Variants in GOLT1A observed in about 807,000 individuals in gnomAD.
The protein encoded by GOLT1A is vesicle transport protein GOT1A.
In GOLT1A, 10 loss-of-function variants were observed where a neutral mutation model predicts 16.1. That is an observed-to-expected ratio of 0.62 (90% CI 0.38 to 1.05). The LOEUF (loss-of-function observed/expected upper bound fraction) is 1.05, where lower values mean the gene tolerates loss of function less well. Ranked by LOEUF, GOLT1A falls within the 50% of genes least tolerant of loss-of-function variation. GOLT1A has a pLI of 0.01. For synonymous variants in GOLT1A, 60 were observed against 67.9 expected, an observed-to-expected ratio of 0.88 and a Z score of 0.57; for missense variants, 137 against 165.7, an observed-to-expected ratio of 0.83 and a Z score of 0.95.
chr1:204,211,045 A>G (rs977063837), intron 1 of GOLT1A, among the ~76,000 whole-genome samples: 4 of 150,348 alleles, frequency 2.7e-5, no homozygotes, highest in African/African-American at 9.8e-5. Flanking sequence ...TCCAAGATAC[A>G]TGTTGAAAGC....
chr1:204,198,803 CT>C, intron 4 of GOLT1A: 1 of 492,246 alleles, frequency 2.0e-6, no homozygotes, highest in Non-Finnish European at 3.6e-6. Flanking sequence ...ACAGCTTTTC[CT>C]GCTGTCATCA....
chr1:204,200,299 G>GTATACATATATATATATATATATATATA (rs1553233959), intron 3 of GOLT1A, among the ~76,000 whole-genome samples: 14 of 82,672 alleles, frequency 1.7e-4, no homozygotes, highest in Admixed American at 4.9e-4. Flanking sequence ...ACATATATGT[G>GTATACATATATATATATATATATATATA]TATATATATA....
At chr1:204,200,405 C>T (rs926869327) in intron 3 of GOLT1A, among the ~76,000 whole-genome samples, 3 of 148,754 alleles carry the variant, frequency 2.0e-5, no homozygotes, top group Admixed American at 6.7e-5. Flanking sequence ...CTCACTGCAA[C>T]CTTCGCCCCC....
Position 204,198,227 on chromosome 1 carries a change from T to C in GOLT1A, c.*231A>G. 1 of 540,282 alleles carries C rather than the reference T, an allele frequency of 1.9e-6. No homozygotes were observed. The highest frequency in any genetic ancestry group is 3.3e-6 in the Non-Finnish European group (1 of 306,684). 33.5% of individuals were successfully genotyped at this position (540,282 alleles called of 1,614,324 possible). On this transcript the variant is annotated 3_prime_UTR_variant, in exon 5 of 5. Transcript: ENST00000308302. ...CCATAAATATAGAGTGAGGGTGTGA[T>C]ACCAGCCCCAGCCCAGTCTCCTTGG...
At chr1:204,207,675 C>T (rs913284911) in intron 1 of GOLT1A, among the ~76,000 whole-genome samples, 12 of 152,200 alleles carry the variant, frequency 7.9e-5, no homozygotes, top group East Asian at 7.7e-4. Context: ...CTCAGAACAT[C>T]ATCGTCTTTT....
chr1:204,200,299 G>GTATATACATATATATATATATATATA (rs1658933060), intron 3 of GOLT1A, among the ~76,000 whole-genome samples: 2 of 82,684 alleles, frequency 2.4e-5, no homozygotes, highest in South Asian at 3.6e-4. Flanking sequence ...ACATATATGT[G>GTATATACATATATATATATATATATA]TATATATATA....
chr1:204,212,452 C>T (rs908912988), intron 1 of GOLT1A, among the ~76,000 whole-genome samples: 4 of 151,926 alleles, frequency 2.6e-5, no homozygotes, highest in African/African-American at 9.7e-5. Flanking sequence ...ACCTGGTAAA[C>T]GTGGAGAAAC....
chr1:204,203,074 GC>G (rs1331199069), intron 1 of GOLT1A, 87 bp from the exon 2 acceptor site: 2 of 944,620 alleles, frequency 2.1e-6, no homozygotes, highest in East Asian at 2.5e-5. Flanking sequence ...CAGGACAGGT[GC>G]CCTCTATGGG....
intron 1 of GOLT1A, among the ~76,000 whole-genome samples, chr1:204,209,685 A>G (rs923681679): frequency 3.9e-5 from 6 of 152,236 alleles, no homozygotes; most frequent in Non-Finnish European, 2.9e-5. Context: ...AAACTGAAAC[A>G]CAGAGGTTAA....
intron 1 of GOLT1A, among the ~76,000 whole-genome samples, chr1:204,204,000 C>T (rs1452143562): frequency 6.6e-6 from 1 of 152,150 alleles, no homozygotes; most frequent in Non-Finnish European, 1.5e-5. Context: ...TCAGATCGCT[C>T]CCCTCAAGAC....
Position 204,208,288 on chromosome 1 carries a change from AAATT to A in GOLT1A, c.26-5305_26-5302del, listed in dbSNP as rs202101379. On this transcript the variant is annotated intron_variant, in intron 1 of 4. Transcript: ENST00000308302. ...CCCATTAGTCAATGAGTGTATAAAT[AAATT>A]GTGATGTGTATATATATACACACAC... Among the ~76,000 whole-genome samples, 1,068 of 149,180 alleles carry A rather than the reference AAATT, an allele frequency of 7.2e-3. 24 individuals are homozygous for A. The highest frequency in any genetic ancestry group is 0.026 in the African/African-American group (1,019 of 38,978).
chr1:204,203,912 C>T (rs1370768078), intron 1 of GOLT1A, among the ~76,000 whole-genome samples: 3 of 152,160 alleles, frequency 2.0e-5, no homozygotes, highest in Non-Finnish European at 4.4e-5. Flanking sequence ...AGCCAGCAAG[C>T]GTAGCCTAGA....
At position 204,213,968 on chromosome 1, in the gene GOLT1A, A is replaced by G; in HGVS notation, c.-62T>C. On this transcript the variant is annotated 5_prime_UTR_variant, in exon 1 of 5. Coordinates refer to ENST00000308302, the MANE Select transcript of GOLT1A (RefSeq NM_198447.2). ...GGGCAAGTGGAGCGTGGCCCAGAGG[A>G]CGCAGCTGGTACATGGTCACGGGAA... 1 of 1,582,780 alleles carries G rather than the reference A, an allele frequency of 6.3e-7. No homozygotes were observed.
At chr1:204,205,664 T>C (rs1034303106) in intron 1 of GOLT1A, among the ~76,000 whole-genome samples, 2 of 152,252 alleles carry the variant, frequency 1.3e-5, no homozygotes, top group African/African-American at 2.4e-5. Flanking sequence ...AACATAATCA[T>C]CTTCTGGGTA....
intron 1 of GOLT1A, among the ~76,000 whole-genome samples, chr1:204,208,300 G>A (rs1019967405): frequency 6.7e-6 from 1 of 149,550 alleles, no homozygotes; most frequent in African/African-American, 2.5e-5. Flanking sequence ...ATTGTGATGT[G>A]TATATATATA....
intron 1 of GOLT1A, among the ~76,000 whole-genome samples, chr1:204,212,584 C>CAGAGATCATG (rs1321604219): frequency 1.4e-5 from 2 of 139,810 alleles, no homozygotes; most frequent in African/African-American, 5.4e-5. Flanking sequence ...TTGCAGTGAG[C>CAGAGATCATG]AGAGATCATG....
intron 1 of GOLT1A, among the ~76,000 whole-genome samples, chr1:204,203,205 T>A (rs1345021217): frequency 6.6e-6 from 1 of 152,136 alleles, no homozygotes. Context: ...TGCTGTCACT[T>A]CTGTACACAG....
intron 2 of GOLT1A, among the ~76,000 whole-genome samples, chr1:204,202,624 C>A (rs1287789217): frequency 6.6e-6 from 1 of 152,008 alleles, no homozygotes; most frequent in Non-Finnish European, 1.5e-5. Flanking sequence ...TTAGAACCCC[C>A]AGGGTCTCGC....
intron 1 of GOLT1A, among the ~76,000 whole-genome samples, chr1:204,205,258 C>T (rs900239287): frequency 6.6e-6 from 1 of 152,062 alleles, no homozygotes; most frequent in Non-Finnish European, 1.5e-5. Flanking sequence ...GTAATGCTTT[C>T]CCCTATTTTT....
Sources: allele counts gnomAD v4.1 joint callset (sites outside exome capture counted in the v4.1 genomes callset), GRCh38; gene constraint gnomAD v4.1.1; transcripts MANE v1.5; gene names NCBI Gene and HGNC (gene_info 2026-07-23, HGNC 2026-07-21).